The following ARHGAP15 variants were observed in gnomAD, a reference collection of about 807,000 sequenced individuals.
ARHGAP15 encodes Rho GTPase activating protein 15, also known as rho GTPase-activating protein 15.
In ARHGAP15, 51 loss-of-function variants were observed where a neutral mutation model predicts 63.7. That is an observed-to-expected ratio of 0.80 (90% confidence interval 0.64 to 1.01). The LOEUF is 1.01. ARHGAP15 is among the 50% of genes least tolerant of loss of function. The probability of loss-of-function intolerance (pLI) is 0.00; values close to 1 mark genes in which losing one functional copy is unlikely to be tolerated. For synonymous variants in ARHGAP15, 191 were observed against 193.8 expected, an observed-to-expected ratio of 0.99 and a Z score of 0.12; for missense variants, 560 against 564.6, an observed-to-expected ratio of 0.99 and a Z score of 0.08.
chr2:143,376,704 T>C (rs534609828), intron 6 of ARHGAP15, among the ~76,000 whole-genome samples: 2 of 152,068 alleles, frequency 1.3e-5, no homozygotes, highest in Admixed American at 6.6e-5. Context: ...ATTTAATATT[T>C]AATTTAAATT....
At chr2:143,723,608 G>C (rs186333672) in intron 13 of ARHGAP15, among the ~76,000 whole-genome samples, 1 of 152,262 alleles carries the variant, frequency 6.6e-6, no homozygotes, top group Admixed American at 6.5e-5. Context: ...ATAAAACCAG[G>C]TCATCTGTGT....
At position 143,140,780 on chromosome 2, in the gene ARHGAP15, G is replaced by A. The variant is rs375053812; in HGVS notation, c.-15+11314G>A. ...TCCCAACTCAGTCCTAATTTTGAAA[G>A]CAATTGGTGTTAGCGCATCCACTTA... On this transcript the variant is annotated intron_variant, in intron 1 of 13. Transcript: ENST00000295095. Among the ~76,000 whole-genome samples the A allele has an allele frequency of 6.6e-5, 10 of 152,212 alleles. No individual in the cohort carries two copies. The East Asian group carries it at 1.4e-3, about 21-fold the overall frequency.
At chr2:143,165,943 G>GAAGAAAGAGAGAAAGAAAGAAAGA (rs1553442817) in intron 2 of ARHGAP15, among the ~76,000 whole-genome samples, 2 of 92,582 alleles carry the variant, frequency 2.2e-5, no homozygotes, top group African/African-American at 4.0e-5. Flanking sequence ...GAAAAGAAAA[G>GAAGAAAGAGAGAAAGAAAGAAAGA]AAGAAAGAAA....
intron 6 of ARHGAP15, chr2:143,295,327 CT>C (rs1350052262): frequency 6.6e-6 from 1 of 152,048 alleles, no homozygotes; most frequent in Non-Finnish European, 1.5e-5. Context: ...AGCCCCTGTT[CT>C]TTTCCCTATG....
At chr2:143,298,398 T>C (rs529020028) in intron 6 of ARHGAP15, among the ~76,000 whole-genome samples, 1 of 152,138 alleles carries the variant, frequency 6.6e-6, no homozygotes, top group Admixed American at 6.6e-5. Flanking sequence ...TTGTTTTACC[T>C]TATCATTATA....
At chr2:143,216,044 T>G (rs1480365407) in intron 3 of ARHGAP15, among the ~76,000 whole-genome samples, 1 of 152,236 alleles carries the variant, frequency 6.6e-6, no homozygotes, top group Non-Finnish European at 1.5e-5. Context: ...TAAGGATACT[T>G]GGTAAAATAA....
chr2:143,221,131 C>T (rs921596585), intron 4 of ARHGAP15, among the ~76,000 whole-genome samples: 1 of 152,100 alleles, frequency 6.6e-6, no homozygotes, highest in African/African-American at 2.4e-5. Context: ...CTTCAATTGT[C>T]ACTTAATAAG....
intron 6 of ARHGAP15, among the ~76,000 whole-genome samples, chr2:143,256,100 C>T (rs1680411402): frequency 1.3e-5 from 2 of 152,118 alleles, no homozygotes; most frequent in Admixed American, 6.6e-5. Flanking sequence ...AGATGACAGT[C>T]CTCACCTCAC....
intron 6 of ARHGAP15, among the ~76,000 whole-genome samples, chr2:143,346,625 A>G (rs898265001): frequency 2.6e-5 from 4 of 152,186 alleles, no homozygotes; most frequent in African/African-American, 9.7e-5. Context: ...TATACAGCAG[A>G]TCAAAAAGAG....
intron 11 of ARHGAP15, among the ~76,000 whole-genome samples, chr2:143,591,929 T>C (rs1176025518): frequency 5.9e-5 from 3 of 50,798 alleles, no homozygotes. Flanking sequence ...TGGGATAAGA[T>C]TTTTATAACT....
intron 13 of ARHGAP15, among the ~76,000 whole-genome samples, chr2:143,725,241 G>A (rs1280923417): frequency 6.6e-6 from 1 of 152,116 alleles, no homozygotes; most frequent in Non-Finnish European, 1.5e-5. Flanking sequence ...TGTTTCTTAA[G>A]GACACAGCAG....
chr2:143,275,006 A>T (rs201304046), intron 6 of ARHGAP15, among the ~76,000 whole-genome samples: 3 of 62,198 alleles, frequency 4.8e-5, no homozygotes, highest in Non-Finnish European at 1.3e-4. Context: ...ACTAAAAATT[A>T]AAAAAAAAAA....
intron 10 of ARHGAP15, among the ~76,000 whole-genome samples, chr2:143,550,465 G>A (rs944578865): frequency 6.6e-6 from 1 of 152,134 alleles, no homozygotes; most frequent in Non-Finnish European, 1.5e-5. Flanking sequence ...ACCTAGAGCC[G>A]CATTGTCTAA....
rs532013840 is a variant in ARHGAP15, at chr2:143,133,045, A to G, written c.-15+3579A>G. ...TACAGAGAATGCTCTATTAGAGTTC[A>G]GAAATTCATCCAGCATTTTTGCATT... On this transcript the variant is annotated intron_variant, in intron 1 of 13. Transcript: ENST00000295095. 2.0e-3 allele frequency among the ~76,000 whole-genome samples: 310 copies of G among 152,342 alleles called. 2 individuals are homozygous for G. The highest frequency in any genetic ancestry group is 7.2e-3 in the African/African-American group (299 of 41,588).
intron 6 of ARHGAP15, among the ~76,000 whole-genome samples, chr2:143,262,559 T>TTTTTTTTTTTA: frequency 7.5e-6 from 1 of 132,530 alleles, no homozygotes; most frequent in Middle Eastern, 3.6e-3. Flanking sequence ...TTTTTTTTTT[T>TTTTTTTTTTTA]ACTTTGTCAC....
At position 143,285,146 on chromosome 2, in the gene ARHGAP15, T is replaced by C. The variant is rs138976594; in HGVS notation, c.474+34546T>C. 1.7e-3 allele frequency among the ~76,000 whole-genome samples: 262 copies of C among 152,244 alleles called. 4 individuals carry two copies. In the East Asian group the frequency reaches 0.037, roughly 21 times the overall value. The stretch of plus-strand genomic sequence containing the variant: ...ATTAAGCACATATAAATTTATCCAA[T>C]GGTTACTTAAAAAATAAAAATAAAA... On this transcript the variant is annotated intron_variant, in intron 6 of 13. Transcript: ENST00000295095.
At chr2:143,728,121 G>A (rs184724800) in intron 13 of ARHGAP15, among the ~76,000 whole-genome samples, 1 of 152,286 alleles carries the variant, frequency 6.6e-6, no homozygotes, top group African/African-American at 2.4e-5. Flanking sequence ...TCACACTTCT[G>A]GAGGCTGGAA....
At chr2:143,155,351 T>C in intron 1 of ARHGAP15, 126 bp from the exon 2 acceptor site, 3 of 885,324 alleles carry the variant, frequency 3.4e-6, no homozygotes, top group Non-Finnish European at 3.3e-6. Context: ...TCTTCACTAG[T>C]CAGAGAGGTG....
At chr2:143,552,218 T>C (rs1297447699) in intron 10 of ARHGAP15, among the ~76,000 whole-genome samples, 1 of 152,136 alleles carries the variant, frequency 6.6e-6, no homozygotes, top group Non-Finnish European at 1.5e-5. Context: ...ATGCATTTTG[T>C]TATGGGTTAG....
Sources: gnomAD v4.1 joint callset for allele counts (sites outside exome capture counted in the v4.1 genomes callset) on GRCh38, gnomAD v4.1.1 for gene constraint, MANE v1.5 for transcripts, NCBI Gene and HGNC (gene_info 2026-07-23, HGNC 2026-07-21) for gene names.